The following STXBP6 variants were observed in gnomAD, a reference collection of about 807,000 sequenced individuals.
STXBP6 encodes the protein syntaxin binding protein 6.
Under a neutral mutation model 26.9 loss-of-function variants are expected in STXBP6, and 21 were observed. That is an observed-to-expected ratio of 0.78 (90% CI 0.55 to 1.12). The LOEUF (loss-of-function observed/expected upper bound fraction) is 1.12. STXBP6 is among the 50% of genes most tolerant of loss of function. STXBP6 has a pLI of 0.00. For missense variants in STXBP6, 232 were observed against 257.9 expected, an observed-to-expected ratio of 0.90 and a Z score of 0.69; for synonymous variants, 97 against 92.6, an observed-to-expected ratio of 1.05 and a Z score of -0.27.
At chr14:24,971,806 T>C (rs2073914416) in intron 2 of STXBP6, among the ~76,000 whole-genome samples, 1 of 152,208 alleles carries the variant, frequency 6.6e-6, no homozygotes, top group African/African-American at 2.4e-5. Flanking sequence ...TCACAGTTTA[T>C]AACTATGTTT....
intron 5 of STXBP6, among the ~76,000 whole-genome samples, chr14:24,813,480 C>T (rs10459539): frequency 0.029 from 4,408 of 152,176 alleles, 164 homozygotes; most frequent in East Asian, 0.19. Context: ...AGATCTTTTC[C>T]AAGGAGTCTA....
chr14:24,974,932 G>T (rs2074005106), intron 1 of STXBP6, 82 bp from the exon 2 acceptor site: 3 of 870,378 alleles, frequency 3.4e-6, no homozygotes, highest in Non-Finnish European at 4.8e-6. Context: ...AAGTGAATTT[G>T]CAGGTGAAGT....
Position 24,812,717 on chromosome 14 carries a change from T to A in STXBP6, c.625A>T (p.Lys209Ter). 6.2e-7 allele frequency: 1 copy of A among 1,613,866 alleles called. No individual in the cohort carries two copies. The highest frequency in any genetic ancestry group is 8.5e-7 in the Non-Finnish European group (1 of 1,179,792). ...ETAHKLAMKHKC is the reference protein window; with the variant it reads ...ETAHKLAMKH The stretch of plus-strand genomic sequence containing the variant: ...CCAGGATAGGCAGTTTCTCAACATT[T>A]GTGCTTCATGGCAAGCTAAGGAGAG... Residue 209 changes from lysine (K) to a stop codon, truncating the protein, a stop_gained, in exon 6 of 6, where the codon AAA becomes TAA. Transcript: ENST00000323944. LOFTEE classifies it high-confidence loss of function.
At chr14:24,840,172 G>A (rs2068744579) in intron 4 of STXBP6, among the ~76,000 whole-genome samples, 1 of 152,104 alleles carries the variant, frequency 6.6e-6, no homozygotes, top group African/African-American at 2.4e-5. Flanking sequence ...GGTGAGTGAT[G>A]GAACCACCTC....
At chr14:24,917,975 T>C (rs968293667) in intron 2 of STXBP6, among the ~76,000 whole-genome samples, 1 of 152,090 alleles carries the variant, frequency 6.6e-6, no homozygotes, top group African/African-American at 2.4e-5. Flanking sequence ...CCTTTGTTTT[T>C]TTATACTTAT....
intron 2 of STXBP6, among the ~76,000 whole-genome samples, chr14:24,906,421 T>C (rs1205713803): frequency 6.6e-6 from 1 of 152,186 alleles, no homozygotes; most frequent in African/African-American, 2.4e-5. Context: ...AGGCCAGAAA[T>C]AGTCACTGTC....
At chr14:24,853,381 A>G (rs1475702888) in intron 4 of STXBP6, among the ~76,000 whole-genome samples, 1 of 152,154 alleles carries the variant, frequency 6.6e-6, no homozygotes, top group African/African-American at 2.4e-5. Context: ...TGTTTAAGAC[A>G]TGCTGCATTC....
intron 2 of STXBP6, among the ~76,000 whole-genome samples, chr14:24,973,418 C>T (rs1440024556): frequency 7.8e-6 from 1 of 127,848 alleles, no homozygotes; most frequent in Non-Finnish European, 1.6e-5. Flanking sequence ...CAGAGTCTCA[C>T]TCTGTCAGCC....
At chr14:24,912,345 G>T (rs1369881803) in intron 2 of STXBP6, among the ~76,000 whole-genome samples, 1 of 150,642 alleles carries the variant, frequency 6.6e-6, no homozygotes, top group Non-Finnish European at 1.5e-5. Context: ...AATATAAAAG[G>T]TATCTTGAAT....
chr14:24,859,841 G>C (rs1024813987), intron 2 of STXBP6, among the ~76,000 whole-genome samples: 1 of 152,176 alleles, frequency 6.6e-6, no homozygotes, highest in Non-Finnish European at 1.5e-5. Flanking sequence ...ATGACTCCCA[G>C]GTAATACTGT....
chr14:24,880,038 G>C (rs1218660763), intron 2 of STXBP6, among the ~76,000 whole-genome samples: 2 of 152,214 alleles, frequency 1.3e-5, no homozygotes, highest in Non-Finnish European at 2.9e-5. Context: ...CAGTCATGTA[G>C]TCTGAGAAGG....
intron 2 of STXBP6, among the ~76,000 whole-genome samples, chr14:24,898,676 C>A (rs1566456757): frequency 1.3e-5 from 2 of 150,798 alleles, no homozygotes; most frequent in Non-Finnish European, 3.0e-5. Context: ...TACTCCATCT[C>A]AAAAAAAACA....
At chr14:24,966,257 A>G (rs1470573225) in intron 2 of STXBP6, among the ~76,000 whole-genome samples, 3 of 152,174 alleles carry the variant, frequency 2.0e-5, no homozygotes, top group African/African-American at 7.2e-5. Flanking sequence ...GTGCTAAACC[A>G]CTAGAAAAGC....
At chr14:24,830,195 T>C (rs959292057) in intron 4 of STXBP6, among the ~76,000 whole-genome samples, 4 of 151,908 alleles carry the variant, frequency 2.6e-5, no homozygotes, top group South Asian at 2.1e-4. Flanking sequence ...TTATAGACCA[T>C]GGTAATGAGA....
chr14:24,851,686 C>T (rs751474692), intron 4 of STXBP6, among the ~76,000 whole-genome samples: 1 of 152,016 alleles, frequency 6.6e-6, no homozygotes, highest in Non-Finnish European at 1.5e-5. Context: ...AAAATAAAAG[C>T]CACCATTTCA....
chr14:24,923,805 T>C (rs2072067278), intron 2 of STXBP6, among the ~76,000 whole-genome samples: 1 of 152,216 alleles, frequency 6.6e-6, no homozygotes, highest in African/African-American at 2.4e-5. Flanking sequence ...TAGTAAGTTT[T>C]ATATTCTATT....
At chr14:24,910,009 C>G (rs1450509481) in intron 2 of STXBP6, among the ~76,000 whole-genome samples, 1 of 151,828 alleles carries the variant, frequency 6.6e-6, no homozygotes, top group African/African-American at 2.4e-5. Flanking sequence ...TCAGCTCTAC[C>G]ACAGGATTGT....
At chr14:24,888,072 T>C (rs1258026236) in intron 2 of STXBP6, among the ~76,000 whole-genome samples, 1 of 152,242 alleles carries the variant, frequency 6.6e-6, no homozygotes, top group Non-Finnish European at 1.5e-5. Flanking sequence ...CTTCTGTTCT[T>C]CATGATTCAT....
intron 1 of STXBP6, among the ~76,000 whole-genome samples, chr14:25,045,872 C>T (rs111587726): frequency 0.043 from 6,471 of 152,002 alleles, 481 homozygotes; most frequent in African/African-American, 0.15. Context: ...CCTCCCAAAG[C>T]GCTGGGATTA....
Sources: gnomAD v4.1 joint callset for allele counts (sites outside exome capture counted in the v4.1 genomes callset) on GRCh38, gnomAD v4.1.1 for gene constraint, MANE v1.5 for transcripts, NCBI Gene and HGNC (gene_info 2026-07-23, HGNC 2026-07-21) for gene names.